PCDHGB3: variants seen among roughly 807,000 people sequenced by gnomAD.
The protein encoded by PCDHGB3 is protocadherin gamma-B3.
PCDHGB3 carries 40 observed loss-of-function variants against 59.2 expected under a neutral mutation model. The ratio of observed to expected loss-of-function variants is 0.68; its 90% CI spans 0.52 to 0.88. PCDHGB3 has a LOEUF of 0.88. Among genes scored for constraint, PCDHGB3 ranks in the 40% least tolerant of loss-of-function variants. PCDHGB3 has a pLI of 0.00. For missense variants in PCDHGB3, 1,309 were observed against 1,187.9 expected (o/e 1.10, Z -1.50); for synonymous variants, 581 against 503.6 (o/e 1.15, Z -2.06).
At chr5:141,419,413 C>T (rs568417008) in intron 1 of PCDHGB3, 4 of 1,613,444 alleles carry the variant, frequency 2.5e-6, no homozygotes, top group African/African-American at 1.3e-5. Flanking sequence ...TCGCGCAGCG[C>T]GCCTTCGACC....
At chr5:141,387,976 A>G (rs1406804687) in intron 1 of PCDHGB3, 2 of 1,490,180 alleles carry the variant, frequency 1.3e-6, no homozygotes, top group South Asian at 2.6e-5. Context: ...GCGCTCTGTG[A>G]GCAGATCCGC....
At position 141,371,055 on chromosome 5, in the gene PCDHGB3, T is replaced by A. The variant is rs1438717717; in HGVS notation, c.661T>A (p.Ser221Thr). 5.6e-6 allele frequency: 9 copies of A among 1,613,768 alleles called. No homozygotes were observed. The highest frequency in any genetic ancestry group is 7.6e-6 in the Non-Finnish European group (9 of 1,179,870). The change falls in exon 1 of 4, where the codon TCC becomes ACC. Residue 221 changes from serine to threonine, a missense_variant. Coordinates refer to ENST00000576222, the MANE Select transcript of PCDHGB3 (RefSeq NM_018924.5). ...VLTAVDGGEP[S>T]RSCTTQIRVI... ...CACAGCTGTGGATGGGGGCGAGCCC[T>A]CCAGAAGCTGTACCACCCAGATCAG...
chr5:141,416,016 G>C (rs190922355), intron 1 of PCDHGB3: 29 of 227,390 alleles, frequency 1.3e-4, no homozygotes, highest in Non-Finnish European at 2.2e-4. Context: ...GAATAGGTAA[G>C]TATCAGAAAG....
At chr5:141,480,497 A>G (rs909585240) in intron 1 of PCDHGB3, among the ~76,000 whole-genome samples, 6 of 152,236 alleles carry the variant, frequency 3.9e-5, no homozygotes, top group Non-Finnish European at 8.8e-5. Flanking sequence ...CCTTAGAAAT[A>G]CACATATGAG....
rs367914755 is a variant in PCDHGB3 at position 141,399,963 on chromosome 5, C to T, written c.2415+27154C>T. ...TGCTGCAGGCTAGCGAGCCCGGGCT[C>T]TTCAGCCTGGGGCTGCGCACAGGAG... On this transcript the variant is annotated intron_variant, in intron 1 of 3. Transcript: ENST00000576222. 793 of 1,612,310 alleles carry T rather than the reference C, an allele frequency of 4.9e-4. 4 individuals are homozygous for T. Among genetic ancestry groups the T allele is most frequent in the Non-Finnish European group, 3.8e-4 (443 of 1,179,704 alleles).
At position 141,370,934 on chromosome 5, in the gene PCDHGB3, G is replaced by C. The variant is rs757298448; in HGVS notation, c.540G>C (p.Leu180Phe). The C allele has an allele frequency of 1.2e-6, 2 of 1,613,980 alleles. No homozygotes were observed. Among genetic ancestry groups the C allele is most frequent in the South Asian group, 2.2e-5 (2 of 91,086 alleles). Residue 180 changes from leucine to phenylalanine, a missense_variant, in exon 1 of 4, where the codon TTG becomes TTC. Leu to Phe is a conservative substitution (Grantham distance 22). Coordinates refer to ENST00000576222, the MANE Select transcript of PCDHGB3 (RefSeq NM_018924.5). ...TCAGCCCTGATCCGCACTTCTCTTT[G>C]ATTCAGAAGGAGAACCTGGATGGCA... is the stretch of plus-strand genomic sequence containing the variant. ...YYLSPDPHFS[L>F]IQKENLDGSR...
rs756857668 is a variant in PCDHGB3, at chr5:141,389,399, A to C, written c.2415+16590A>C. ...GGGAGCTGTCATCCTACGTGTCCAT[A>C]AGCGCGGAGAGCGGGGTGGTGTTCG... On this transcript the variant is annotated intron_variant, in intron 1 of 3. Coordinates refer to ENST00000576222, the MANE Select transcript of PCDHGB3 (RefSeq NM_018924.5). 67 of 1,613,528 alleles carry C rather than the reference A, an allele frequency of 4.2e-5. 1 individual carries two copies. Among genetic ancestry groups the C allele is most frequent in the South Asian group, 5.5e-5 (5 of 91,094 alleles).
chr5:141,479,606 T>TA (rs1315315740), intron 1 of PCDHGB3: 1 of 152,184 alleles, frequency 6.6e-6, no homozygotes, highest in Non-Finnish European at 1.5e-5. Context: ...GCCTAGGCAA[T>TA]ATAGGGAAAC....
At chr5:141,417,700 A>G in intron 1 of PCDHGB3, 1 of 1,180,094 alleles carries the variant, frequency 8.5e-7, no homozygotes, top group Admixed American at 3.0e-5. Flanking sequence ...ACCAGCTCCC[A>G]CACAGAGGCT....
chr5:141,376,761 A>G (rs1179580742), intron 1 of PCDHGB3: 1 of 431,306 alleles, frequency 2.3e-6, no homozygotes, highest in African/African-American at 2.3e-5. Flanking sequence ...ATCTCGGCTC[A>G]CTGCAAGCTC....
intron 1 of PCDHGB3, among the ~76,000 whole-genome samples, chr5:141,379,889 CTTTTTTTTTTTTTTTTTT>C (rs70988800): frequency 3.9e-5 from 2 of 50,830 alleles, no homozygotes; most frequent in African/African-American, 6.6e-5. Context: ...GTGAAAGCCT[CTTTTTTTTTTTTTTTTTT>C]TTTTTTTTTT....
At chr5:141,470,649 C>T (rs1486535307) in intron 1 of PCDHGB3, among the ~76,000 whole-genome samples, 1 of 152,160 alleles carries the variant, frequency 6.6e-6, no homozygotes, top group African/African-American at 2.4e-5. Flanking sequence ...TTGAAGGCCC[C>T]TACCCTTTGG....
At chr5:141,461,826 T>G (rs1466528519) in intron 1 of PCDHGB3, among the ~76,000 whole-genome samples, 2 of 151,912 alleles carry the variant, frequency 1.3e-5, no homozygotes, top group Non-Finnish European at 1.5e-5. Flanking sequence ...GCTAATTTTT[T>G]TTTCTTTTTT....
At chr5:141,414,788 C>T in intron 1 of PCDHGB3, 1 of 1,614,222 alleles carries the variant, frequency 6.2e-7, no homozygotes, top group Non-Finnish European at 8.5e-7. Flanking sequence ...CAGGTGACAG[C>T]CAGCGACAGC....
At chr5:141,458,594 G>T (rs1226490392) in intron 1 of PCDHGB3, among the ~76,000 whole-genome samples, 1 of 151,612 alleles carries the variant, frequency 6.6e-6, no homozygotes, top group Non-Finnish European at 1.5e-5. Context: ...TTTTGGAGAC[G>T]AGTCTCACTC....
intron 1 of PCDHGB3, chr5:141,376,286 A>T: frequency 6.2e-7 from 1 of 1,614,174 alleles, no homozygotes; most frequent in Non-Finnish European, 8.5e-7. Flanking sequence ...CTTAGCGAGC[A>T]TGCCCGGCTC....
At chr5:141,391,107 T>C (rs1225302584) in intron 1 of PCDHGB3, 1 of 152,098 alleles carries the variant, frequency 6.6e-6, no homozygotes, top group African/African-American at 2.4e-5. Context: ...CCTAAACTAA[T>C]ATAGCTAGAG....
chr5:141,370,525 G>A lies in PCDHGB3; in HGVS notation c.131G>A (p.Gly44Asp). The change falls in exon 1 of 4, where the codon GGC becomes GAC. Residue 44 changes from glycine (G) to aspartate (D), a missense_variant. Coordinates refer to ENST00000576222, the MANE Select transcript of PCDHGB3 (RefSeq NM_018924.5). The part of the protein sequence containing the change: ...RYAIPEELDR[G>D]SLVGNLAKDL... ...GCTATTCCCGAGGAGCTGGACAGGGGCTCGCTGGTAGGGAACCTCGCCAAG... is the reference window on the plus strand; with the variant it reads ...GCTATTCCCGAGGAGCTGGACAGGGACTCGCTGGTAGGGAACCTCGCCAAG... The A allele has an allele frequency of 1.2e-6, 2 of 1,613,874 alleles. No individual in the cohort carries two copies. The highest frequency in any genetic ancestry group is 1.1e-5 in the South Asian group (1 of 91,076).
rs751918675 is a variant in PCDHGB3 at position 141,376,240 on chromosome 5, G to A, written c.2415+3431G>A. ...TGCTGGCGCTCAGACTGCAGCGCTG[G>A]CACAAGTCACGCCTGCTGCAGGCTT... On this transcript the variant is annotated intron_variant, in intron 1 of 3. Transcript: ENST00000576222. The A allele has an allele frequency of 1.9e-6, 3 of 1,614,202 alleles. No individual in the cohort carries two copies. In the South Asian group the frequency reaches 3.3e-5, roughly 18 times the overall value.
Sources: allele counts gnomAD v4.1 joint callset (sites outside exome capture counted in the v4.1 genomes callset), GRCh38; gene constraint gnomAD v4.1.1; transcripts MANE v1.5; gene names NCBI Gene and HGNC (gene_info 2026-07-23, HGNC 2026-07-21).